Variants in SSPN observed in about 807,000 individuals in gnomAD.
The protein encoded by SSPN is K-ras oncogene-associated protein.
Under a neutral mutation model 19.1 loss-of-function variants are expected in SSPN, and 15 were observed. The ratio of observed to expected loss-of-function variants is 0.78; its 90% CI spans 0.52 to 1.21. The LOEUF (loss-of-function observed/expected upper bound fraction) is 1.21, where lower values mean the gene tolerates loss of function less well. Among genes scored for constraint, SSPN ranks in the 50% most tolerant of loss-of-function variants. The pLI, the probability that SSPN is intolerant of heterozygous loss-of-function variation, is 0.00. For synonymous variants in SSPN, 147 were observed against 140.3 expected, an observed-to-expected ratio of 1.05 and a Z score of -0.34; for missense variants, 291 against 314.0, an observed-to-expected ratio of 0.93 and a Z score of 0.55.
intron 1 of SSPN, among the ~76,000 whole-genome samples, chr12:26,199,156 A>G (rs1239011856): frequency 1.3e-5 from 2 of 152,206 alleles, no homozygotes; most frequent in Non-Finnish European, 2.9e-5. Flanking sequence ...GGGTAAATCC[A>G]CTTAGGTGAC....
upstream of SSPN, among the ~76,000 whole-genome samples, chr12:26,190,668 G>A (rs1216783059): frequency 1.3e-5 from 2 of 152,160 alleles, no homozygotes; most frequent in Non-Finnish European, 2.9e-5. Context: ...GAGGCATTAG[G>A]AGAGTTTGGT....
chr12:26,140,375 T>C (rs1415685272), intron 1 of SSPN, among the ~76,000 whole-genome samples: 1 of 152,160 alleles, frequency 6.6e-6, no homozygotes, highest in African/African-American at 2.4e-5. Context: ...ATCAGCAAGT[T>C]CTGTTTCTTC....
intron 1 of SSPN, among the ~76,000 whole-genome samples, chr12:26,211,934 G>A (rs759787842): frequency 5.6e-4 from 85 of 152,272 alleles, no homozygotes; most frequent in Non-Finnish European, 1.0e-3. Context: ...CATACAAAGC[G>A]CTTTGGCTTG....
chr12:26,212,972 C>T (rs1394704950), intron 1 of SSPN, among the ~76,000 whole-genome samples: 3 of 151,226 alleles, frequency 2.0e-5, no homozygotes, highest in African/African-American at 4.9e-5. Flanking sequence ...TCAGTTCTGC[C>T]GTAAACTCTT....
chr12:26,158,493 G>C (rs144709281), intron 1 of SSPN, among the ~76,000 whole-genome samples: 94 of 152,358 alleles, frequency 6.2e-4, no homozygotes, highest in African/African-American at 2.1e-3. Flanking sequence ...AGGCTTGACT[G>C]CTTGGTCATG....
intron 1 of SSPN, among the ~76,000 whole-genome samples, chr12:26,199,531 A>C (rs1169654922): frequency 6.6e-6 from 1 of 152,192 alleles, no homozygotes; most frequent in Non-Finnish European, 1.5e-5. Context: ...TTGAGGATGC[A>C]CTTGGCTGGG....
intron 2 of SSPN, among the ~76,000 whole-genome samples, chr12:26,226,698 C>A (rs1201520865): frequency 6.6e-6 from 1 of 152,148 alleles, no homozygotes; most frequent in Non-Finnish European, 1.5e-5. Context: ...CTCAGGGCTC[C>A]CCTGGAGGTT....
At chr12:26,220,566 ACT>A (rs1192281216) in intron 1 of SSPN, among the ~76,000 whole-genome samples, 1 of 151,792 alleles carries the variant, frequency 6.6e-6, no homozygotes, top group African/African-American at 2.4e-5. Flanking sequence ...CTGTTTTCAG[ACT>A]CTCTCTGGAT....
At chr12:26,144,163 A>G (rs546046473) in intron 1 of SSPN, among the ~76,000 whole-genome samples, 119 of 152,362 alleles carry the variant, frequency 7.8e-4, no homozygotes, top group Non-Finnish European at 1.5e-3. Context: ...ATTGTCTTCC[A>G]TGAAACTGGT....
intron 1 of SSPN, among the ~76,000 whole-genome samples, chr12:26,171,364 GAACAA>G (rs1333062774): frequency 6.6e-6 from 1 of 152,160 alleles, no homozygotes; most frequent in Middle Eastern, 3.2e-3. Context: ...CTGTCCTGTT[GAACAA>G]CCGTTCTCAA....
chr12:26,137,867 T>A lies in SSPN; in HGVS notation c.-31+15715T>A, dbSNP rs58269831. Among the ~76,000 whole-genome samples the A allele has an allele frequency of 4.3e-4, 65 of 151,520 alleles. No individual in the cohort carries two copies. In the East Asian group the frequency reaches 0.011, roughly 26 times the overall value. On this transcript the variant is annotated intron_variant, in intron 1 of 2. Transcript: ENST00000538142. ...ATTTTAGTAGAGACGGGTTTCACCC[T>A]GTTGGCCAGGCTGGTCTCGAACTCC...
At chr12:26,164,534 T>G (rs769898677) in intron 1 of SSPN, among the ~76,000 whole-genome samples, 2 of 152,228 alleles carry the variant, frequency 1.3e-5, no homozygotes, top group African/African-American at 2.4e-5. Context: ...AGCCAGACTC[T>G]TTCTCTAAAC....
chr12:26,124,862 G>T, intron 1 of SSPN: 1 of 1,354,632 alleles, frequency 7.4e-7, no homozygotes, highest in Non-Finnish European at 1.1e-6. Context: ...GGGAGACCTT[G>T]GGGGGATCTG....
chr12:26,122,207 G>C (rs997685013), intron 1 of SSPN: 4 of 1,378,718 alleles, frequency 2.9e-6, no homozygotes, highest in Non-Finnish European at 3.7e-6. Flanking sequence ...GCGCCACCTC[G>C]TGCGGCAGGA....
intron 1 of SSPN, among the ~76,000 whole-genome samples, chr12:26,208,647 C>T (rs1944953394): frequency 6.6e-6 from 1 of 151,644 alleles, no homozygotes; most frequent in African/African-American, 2.4e-5. Flanking sequence ...TTCCCTACTC[C>T]AAGGCCATAA....
intron 1 of SSPN, among the ~76,000 whole-genome samples, chr12:26,189,775 AAAGGT>A (rs1944776630): frequency 1.3e-5 from 2 of 152,176 alleles, no homozygotes; most frequent in Non-Finnish European, 2.9e-5. Context: ...TTATTCTGGA[AAAGGT>A]AACCAATGAC....
intron 1 of SSPN, among the ~76,000 whole-genome samples, chr12:26,130,327 C>T (rs1389162175): frequency 1.3e-5 from 2 of 152,172 alleles, no homozygotes; most frequent in Non-Finnish European, 2.9e-5. Context: ...TTCTCTCACC[C>T]ACCCACTATG....
At position 26,232,645 on chromosome 12, in the gene SSPN, T is replaced by G. The variant is rs1410287331; in HGVS notation, c.*1569T>G. 1 of 985,160 alleles carries G rather than the reference T, an allele frequency of 1.0e-6. No homozygotes were observed. The highest frequency in any genetic ancestry group is 1.2e-6 in the Non-Finnish European group (1 of 829,808). The allele number at this position is 985,160 out of a possible 1,614,324, so 61.0% of individuals were successfully genotyped here. On this transcript the variant is annotated 3_prime_UTR_variant, in exon 3 of 3. Coordinates refer to ENST00000242729, the MANE Select transcript of SSPN (RefSeq NM_005086.5). ...ACTGATTGTGATAATGGTTTCAATT[T>G]CTACACAATATAAATATCCAGTATA... is the stretch of plus-strand genomic sequence containing the variant.
chr12:26,173,161 TC>T (rs1239503552), intron 1 of SSPN, among the ~76,000 whole-genome samples: 1 of 152,226 alleles, frequency 6.6e-6, no homozygotes, highest in Non-Finnish European at 1.5e-5. Flanking sequence ...CTGGGTGATT[TC>T]CAACTTCCAG....
Sources: allele counts gnomAD v4.1 joint callset (sites outside exome capture counted in the v4.1 genomes callset), GRCh38; gene constraint gnomAD v4.1.1; transcripts MANE v1.5; gene names NCBI Gene and HGNC (gene_info 2026-07-23, HGNC 2026-07-21).